CTNNA2: variants seen among roughly 807,000 people sequenced by gnomAD.
CTNNA2 encodes catenin alpha 2.
Under a neutral mutation model 101.0 loss-of-function variants are expected in CTNNA2, and 42 were observed. The observed-to-expected ratio is 0.42, with a 90% CI of 0.32 to 0.54. CTNNA2 has a LOEUF of 0.54. Among genes scored for constraint, CTNNA2 ranks in the 20% least tolerant of loss-of-function variants. CTNNA2 has a pLI of 0.14. For missense variants in CTNNA2, 871 were observed against 1,223.1 expected (o/e 0.71, Z 4.29); for synonymous variants, 450 against 456.4 (o/e 0.99, Z 0.18).
intron 3 of CTNNA2, among the ~76,000 whole-genome samples, chr2:79,313,130 A>G (rs929421824): frequency 6.6e-6 from 1 of 152,324 alleles, no homozygotes; most frequent in South Asian, 2.1e-4. Flanking sequence ...CAACAGATGT[A>G]ATACTTTATC....
rs550776671 is a variant in CTNNA2 at position 79,684,896 on chromosome 2, C to T, written c.102+33238C>T. 3.3e-5 allele frequency among the ~76,000 whole-genome samples: 5 copies of T among 152,250 alleles called. No individual in the cohort carries two copies. In the East Asian group the frequency reaches 9.7e-4, roughly 29 times the overall value. ...TGACCTCTTTCCTATCCCTTCTGGC[C>T]TCTGTGAGCTCCGCCCTCTTTCCCA... On this transcript the variant is annotated intron_variant, in intron 2 of 18. Transcript: ENST00000402739.
At chr2:79,489,784 A>G (rs745801296) in intron 4 of CTNNA2, among the ~76,000 whole-genome samples, 16 of 152,196 alleles carry the variant, frequency 1.1e-4, no homozygotes, top group Non-Finnish European at 1.8e-4. Flanking sequence ...CAATTTCTCA[A>G]TAACTAGGCA....
intron 7 of CTNNA2, among the ~76,000 whole-genome samples, chr2:80,162,178 C>T (rs1170197806): frequency 6.6e-6 from 1 of 152,272 alleles, no homozygotes; most frequent in African/African-American, 2.4e-5. Flanking sequence ...TACAACTTCA[C>T]CCCCTCCTAA....
intron 7 of CTNNA2, among the ~76,000 whole-genome samples, chr2:80,275,290 T>G (rs1031086866): frequency 3.3e-5 from 5 of 152,206 alleles, no homozygotes; most frequent in African/African-American, 1.2e-4. Flanking sequence ...TCTCAGGATC[T>G]CCCACATTGG....
At chr2:80,570,332 A>T in intron 12 of CTNNA2, among the ~76,000 whole-genome samples, 1 of 152,242 alleles carries the variant, frequency 6.6e-6, no homozygotes, top group East Asian at 1.9e-4. Flanking sequence ...TACACGTGTG[A>T]GCCACCGTGC....
chr2:79,643,461 C>A (rs78462293), intron 1 of CTNNA2, among the ~76,000 whole-genome samples: 2,754 of 152,234 alleles, frequency 0.018, 85 homozygotes, highest in African/African-American at 0.063. Context: ...CACCCTAGAC[C>A]TAATCAATCA....
At chr2:79,810,483 T>A (rs1676925659) in intron 3 of CTNNA2, among the ~76,000 whole-genome samples, 1 of 151,772 alleles carries the variant, frequency 6.6e-6, no homozygotes, top group Admixed American at 6.6e-5. Flanking sequence ...CATATCACTA[T>A]CCTTTTGCCA....
chr2:79,662,266 C>T (rs896427957), intron 2 of CTNNA2, among the ~76,000 whole-genome samples: 3 of 152,058 alleles, frequency 2.0e-5, no homozygotes, highest in Non-Finnish European at 4.4e-5. Flanking sequence ...AATATGCACT[C>T]TTCCTTTTAT....
intron 2 of CTNNA2, among the ~76,000 whole-genome samples, chr2:79,710,614 A>C (rs2104806569): frequency 6.6e-6 from 1 of 152,288 alleles, no homozygotes. Context: ...ATTCTTTTTA[A>C]TAAGGATGCC....
At chr2:80,107,192 A>G (rs1177713176) in intron 7 of CTNNA2, among the ~76,000 whole-genome samples, 5 of 151,648 alleles carry the variant, frequency 3.3e-5, no homozygotes, top group Non-Finnish European at 4.4e-5. Context: ...CTGTGTGCCC[A>G]CTCTCTCCTG....
At chr2:79,204,927 C>T (rs1674082858) in intron 2 of CTNNA2, among the ~76,000 whole-genome samples, 1 of 152,282 alleles carries the variant, frequency 6.6e-6, no homozygotes, top group Non-Finnish European at 1.5e-5. Context: ...CGCCTGCCAA[C>T]ACTGTTGCAC....
At chr2:80,258,914 A>G (rs1221533136) in intron 7 of CTNNA2, among the ~76,000 whole-genome samples, 1 of 152,082 alleles carries the variant, frequency 6.6e-6, no homozygotes, top group African/African-American at 2.4e-5. Flanking sequence ...CCTCTCCTAA[A>G]CGTTACTGAC....
rs148604066 is a variant in CTNNA2, at chr2:79,421,351, C to T, written c.-135+47338C>T. Among the ~76,000 whole-genome samples the T allele has an allele frequency of 3.6e-3, 544 of 151,934 alleles. 8 individuals carry two copies. The highest frequency in any genetic ancestry group is 0.012 in the African/African-American group (507 of 41,446). On this transcript the variant is annotated intron_variant, in intron 4 of 21. Coordinates refer to the CTNNA2 transcript ENST00000466387. ...GCAGAGGGAGACAAAGGAACTTACG[C>T]GAGAGCTGAGATTTGAAGAAATATT...
At chr2:80,313,801 T>A in intron 7 of CTNNA2, 1 of 642,674 alleles carries the variant, frequency 1.6e-6, no homozygotes. Flanking sequence ...GAAAGGATAC[T>A]GAAAGCAATG....
At chr2:80,558,673 C>G (rs17340156) in intron 12 of CTNNA2, among the ~76,000 whole-genome samples, 6,303 of 151,978 alleles carry the variant, frequency 0.041, 182 homozygotes, top group South Asian at 0.064. Flanking sequence ...GGCCACTTTT[C>G]TATGTGAATC....
At chr2:79,787,274 C>T (rs1028880657) in intron 3 of CTNNA2, among the ~76,000 whole-genome samples, 13 of 152,086 alleles carry the variant, frequency 8.5e-5, no homozygotes, top group African/African-American at 3.1e-4. Context: ...TCTATTTTAG[C>T]AACTTCATAA....
intron 3 of CTNNA2, among the ~76,000 whole-genome samples, chr2:79,746,157 T>C (rs147630276): frequency 2.2e-4 from 33 of 152,318 alleles, no homozygotes; most frequent in African/African-American, 7.9e-4. Context: ...TAATGATTAC[T>C]TATGTCGAAG....
At chr2:79,380,299 G>T (rs1210017175) in intron 4 of CTNNA2, among the ~76,000 whole-genome samples, 1 of 151,466 alleles carries the variant, frequency 6.6e-6, no homozygotes, top group Non-Finnish European at 1.5e-5. Context: ...CAAGACCCAG[G>T]TTGTTCAGGG....
At chr2:80,367,387 A>G (rs1048547658) in intron 7 of CTNNA2, among the ~76,000 whole-genome samples, 1 of 152,118 alleles carries the variant, frequency 6.6e-6, no homozygotes, top group Non-Finnish European at 1.5e-5. Context: ...ATGCGTTGAT[A>G]AAAAGAAGCT....
Sources: allele counts gnomAD v4.1 joint callset (sites outside exome capture counted in the v4.1 genomes callset), GRCh38; gene constraint gnomAD v4.1.1; transcripts MANE v1.5; gene names NCBI Gene and HGNC (gene_info 2026-07-23, HGNC 2026-07-21).